EFHD1: variants seen among roughly 807,000 people sequenced by gnomAD.
EFHD1 encodes the protein EF-hand domain family member D1, also known as EF-hand domain-containing protein D1.
EFHD1 carries 10 observed loss-of-function variants against 17.2 expected under a neutral mutation model. The observed-to-expected ratio is 0.58, with a 90% confidence interval of 0.36 to 0.99. The LOEUF (loss-of-function observed/expected upper bound fraction) is 0.99. Ranked by LOEUF, EFHD1 falls within the 50% of genes least tolerant of loss-of-function variation. The probability of loss-of-function intolerance (pLI) is 0.01; values close to 1 mark genes in which losing one functional copy is unlikely to be tolerated. For synonymous variants in EFHD1, 153 were observed against 142.0 expected, an observed-to-expected ratio of 1.08 and a Z score of -0.55; for missense variants, 310 against 327.5, an observed-to-expected ratio of 0.95 and a Z score of 0.41.
chr2:232,640,432 A>G (rs1309842740), intron 1 of EFHD1, among the ~76,000 whole-genome samples: 2 of 152,102 alleles, frequency 1.3e-5, no homozygotes, highest in Non-Finnish European at 2.9e-5. Flanking sequence ...TATGTCTGCT[A>G]GTGTGTGCTC....
intron 3 of EFHD1, among the ~76,000 whole-genome samples, chr2:232,681,324 G>A (rs1465903328): frequency 6.6e-6 from 1 of 152,106 alleles, no homozygotes; most frequent in Non-Finnish European, 1.5e-5. Flanking sequence ...AAAAAGTCAA[G>A]TAGAATGACC....
chr2:232,645,255 C>T (rs1171782932), intron 1 of EFHD1, among the ~76,000 whole-genome samples: 1 of 152,106 alleles, frequency 6.6e-6, no homozygotes, highest in Non-Finnish European at 1.5e-5. Flanking sequence ...AGACACGCCT[C>T]AGCCCCCTGC....
chr2:232,633,360 A>T, upstream of EFHD1: 1 of 703,014 alleles, frequency 1.4e-6, no homozygotes, highest in Non-Finnish European at 1.9e-6. Context: ...GCAAGGTCGG[A>T]GTTGATCCGA....
intron 1 of EFHD1, among the ~76,000 whole-genome samples, chr2:232,621,231 T>C (rs1420752974): frequency 6.6e-6 from 1 of 152,082 alleles, no homozygotes; most frequent in South Asian, 2.1e-4. Context: ...CCCTCCAAAA[T>C]TGGCGTAGTC....
chr2:232,662,963 G>A lies in EFHD1; in HGVS notation c.450+14G>A, dbSNP rs1189923764. Reference sequence around the variant, plus strand: ...AGCTTCCGGGAGGTACCTGCCTGCTGTGGCCCTGAGCCCCTGTGGGGTGCC... The same window carrying A: ...AGCTTCCGGGAGGTACCTGCCTGCTATGGCCCTGAGCCCCTGTGGGGTGCC... On this transcript the variant is annotated intron_variant, in intron 2 of 3. Transcript: ENST00000264059. The A allele has an allele frequency of 6.4e-7, 1 of 1,567,620 alleles. No homozygotes were observed. The highest frequency in any genetic ancestry group is 8.6e-7 in the Non-Finnish European group (1 of 1,161,978).
rs1020457549 is a variant in EFHD1, at chr2:232,633,621, C to G, written c.-84C>G. On this transcript the variant is annotated 5_prime_UTR_variant, in exon 1 of 4. Transcript: ENST00000264059. Reference sequence around the variant, plus strand: ...GCCTCGGCGGAGTGTTGTAGAGCCTCGAGCCTGCGAGGAGCGCGCCGCCCG... The same window carrying G: ...GCCTCGGCGGAGTGTTGTAGAGCCTGGAGCCTGCGAGGAGCGCGCCGCCCG... 5 of 1,343,538 alleles carry G rather than the reference C, an allele frequency of 3.7e-6. No homozygotes were observed. Among genetic ancestry groups the G allele is most frequent in the Non-Finnish European group, 4.7e-6 (5 of 1,056,026 alleles). The allele number at this position is 1,343,538 out of a possible 1,614,324, so 83.2% of individuals were successfully genotyped here.
intron 1 of EFHD1, among the ~76,000 whole-genome samples, chr2:232,613,895 A>AAC (rs146430990): frequency 0.61 from 92,119 of 150,942 alleles, 28,448 homozygotes; most frequent in East Asian, 0.69. Flanking sequence ...TACACACACA[A>AAC]ACACATACAA....
chr2:232,660,425 C>T (rs1338618617), intron 1 of EFHD1, among the ~76,000 whole-genome samples: 2 of 151,438 alleles, frequency 1.3e-5, no homozygotes, highest in Non-Finnish European at 3.0e-5. Context: ...CGATCTTGTT[C>T]TCCTGACCTC....
At chr2:232,611,535 C>A (rs1411226739) in intron 1 of EFHD1, 7 of 152,220 alleles carry the variant, frequency 4.6e-5, no homozygotes, top group Admixed American at 4.6e-4. Context: ...GCGGTGCCCC[C>A]AGCTCTGCAC....
chr2:232,677,675 A>G (rs1426314921), intron 3 of EFHD1, among the ~76,000 whole-genome samples: 6 of 152,264 alleles, frequency 3.9e-5, no homozygotes, highest in Admixed American at 3.9e-4. Flanking sequence ...ATGAGCCATG[A>G]CTGCACCACT....
chr2:232,648,582 A>G (rs1694576412), intron 1 of EFHD1, among the ~76,000 whole-genome samples: 1 of 152,066 alleles, frequency 6.6e-6, no homozygotes, highest in Admixed American at 6.6e-5. Context: ...ACAGCTGGGG[A>G]CACCCATAGG....
chr2:232,667,907 A>G (rs1694997219), intron 2 of EFHD1, among the ~76,000 whole-genome samples: 1 of 152,150 alleles, frequency 6.6e-6, no homozygotes, highest in African/African-American at 2.4e-5. Flanking sequence ...TAAGTGAACA[A>G]GTTTATTTCT....
chr2:232,676,545 G>A (rs4973555), intron 3 of EFHD1, among the ~76,000 whole-genome samples: 118,185 of 152,144 alleles, frequency 0.78, 46,823 homozygotes, highest in East Asian at 0.94. Flanking sequence ...CATTATCTCA[G>A]CTGGGCTCTC....
intron 1 of EFHD1, among the ~76,000 whole-genome samples, chr2:232,648,413 C>G (rs1191811269): frequency 2.0e-5 from 3 of 151,854 alleles, no homozygotes; most frequent in Admixed American, 2.0e-4. Context: ...CAGCCCGCAG[C>G]TGGTTGGGCA....
chr2:232,606,251 C>T, intron 1 of EFHD1: 2 of 1,488,492 alleles, frequency 1.3e-6, no homozygotes, highest in Non-Finnish European at 1.8e-6. Flanking sequence ...TTACTCTGGT[C>T]CAGAATAGGT....
intron 1 of EFHD1, among the ~76,000 whole-genome samples, chr2:232,647,178 G>T (rs1056688465): frequency 5.9e-5 from 9 of 152,258 alleles, no homozygotes; most frequent in African/African-American, 2.2e-4. Flanking sequence ...TTATGTTCCA[G>T]CCCAGTGTTC....
chr2:232,637,040 G>A (rs1446691152), intron 1 of EFHD1, among the ~76,000 whole-genome samples: 1 of 152,058 alleles, frequency 6.6e-6, no homozygotes, highest in Admixed American at 6.6e-5. Flanking sequence ...TGCTGGGTGA[G>A]GTCGTTTGTT....
At chr2:232,623,813 C>T (rs947632362) in intron 1 of EFHD1, among the ~76,000 whole-genome samples, 2 of 152,094 alleles carry the variant, frequency 1.3e-5, no homozygotes, top group African/African-American at 2.4e-5. Context: ...GAAGGGAGGA[C>T]AAGTGGGCAG....
At chr2:232,638,781 G>A (rs997700199) in intron 1 of EFHD1, among the ~76,000 whole-genome samples, 1 of 152,214 alleles carries the variant, frequency 6.6e-6, no homozygotes, top group Admixed American at 6.5e-5. Flanking sequence ...AAGGCAAGAG[G>A]TACTGACTTG....
Sources: gnomAD v4.1 joint callset for allele counts (sites outside exome capture counted in the v4.1 genomes callset) on GRCh38, gnomAD v4.1.1 for gene constraint, MANE v1.5 for transcripts, NCBI Gene and HGNC (gene_info 2026-07-23, HGNC 2026-07-21) for gene names.